EIF2AK4: variants seen among roughly 807,000 people sequenced by gnomAD.
EIF2AK4 encodes eIF-2-alpha kinase GCN2.
EIF2AK4 carries 139 observed loss-of-function variants against 211.1 expected under a neutral mutation model. The observed-to-expected ratio is 0.66, with a 90% CI of 0.57 to 0.76. The LOEUF (loss-of-function observed/expected upper bound fraction) is 0.76, where lower values mean the gene tolerates loss of function less well. Ranked by LOEUF, EIF2AK4 falls within the 30% of genes least tolerant of loss-of-function variation. The probability of loss-of-function intolerance (pLI) is 0.00; values close to 1 mark genes in which losing one functional copy is unlikely to be tolerated. For missense variants in EIF2AK4, 1,664 were observed against 2,043.8 expected, an observed-to-expected ratio of 0.81 and a Z score of 3.58; for synonymous variants, 710 against 751.3, an observed-to-expected ratio of 0.94 and a Z score of 0.90.
intron 23 of EIF2AK4, among the ~76,000 whole-genome samples, chr15:40,004,178 G>A (rs577619552): frequency 7.9e-5 from 12 of 152,284 alleles, no homozygotes; most frequent in African/African-American, 2.9e-4. Flanking sequence ...TAAACCTTTA[G>A]AAAAGTAATC....
Position 39,949,277 on chromosome 15 carries a change from C to G in EIF2AK4, c.513+9C>G. The G allele has an allele frequency of 6.2e-7, 1 of 1,613,220 alleles. No homozygotes were observed. Among genetic ancestry groups the G allele is most frequent in the Admixed American group, 1.7e-5 (1 of 59,978 alleles). On this transcript the variant is annotated intron_variant, in intron 4 of 38. Transcript: ENST00000263791. Reference sequence around the variant, plus strand: ...GGAAAGAAGAGCAGGAGGTGAGATGCCCTTGTCGATGTCTGTGTGCATGGC... The same window carrying G: ...GGAAAGAAGAGCAGGAGGTGAGATGGCCTTGTCGATGTCTGTGTGCATGGC...
intron 37 of EIF2AK4, among the ~76,000 whole-genome samples, chr15:40,033,037 CAAAAACAAAAAAA>C (rs2035564722): frequency 6.6e-6 from 1 of 152,004 alleles, no homozygotes; most frequent in African/African-American, 2.4e-5. Flanking sequence ...AAACAAAAAA[CAAAAACAAAAAAA>C]CACATATACT....
intron 36 of EIF2AK4, 33 bp downstream of exon 36, chr15:40,032,270 C>T (rs1315184829): frequency 1.9e-6 from 3 of 1,592,350 alleles, no homozygotes; most frequent in Non-Finnish European, 1.7e-6. Flanking sequence ...TTGAAGGTGG[C>T]TTCTGTCCAT....
Position 40,002,783 on chromosome 15 carries a change from G to T in EIF2AK4, c.3230G>T (p.Arg1077Ile). 5.6e-6 allele frequency: 9 copies of T among 1,614,140 alleles called. No homozygotes were observed. Among genetic ancestry groups the T allele is most frequent in the Non-Finnish European group, 7.6e-6 (9 of 1,180,000 alleles). The stretch of plus-strand genomic sequence containing the variant: ...GAAACCATCATCCGCATCTTTAAAA[G>T]ACATGGTATGTACGCCCTTTTTAAA... ...VCETIIRIFK[R>I]HGAVQLCTPL... The change falls in exon 22 of 39, where the codon AGA (arginine) becomes ATA (isoleucine). Residue 1077 changes from arginine (R) to isoleucine (I), a missense_variant. Transcript: ENST00000263791.
At chr15:39,970,838 A>T (rs1037087266) in intron 9 of EIF2AK4, among the ~76,000 whole-genome samples, 1 of 152,226 alleles carries the variant, frequency 6.6e-6, no homozygotes, top group Non-Finnish European at 1.5e-5. Context: ...AAGTAATTTT[A>T]AATTTAAAGG....
chr15:40,001,482 T>G (rs923052333), intron 21 of EIF2AK4, among the ~76,000 whole-genome samples: 1 of 151,666 alleles, frequency 6.6e-6, no homozygotes, highest in Non-Finnish European at 1.5e-5. Flanking sequence ...CTACAAAAAT[T>G]AGCCGTGCGT....
intron 9 of EIF2AK4, among the ~76,000 whole-genome samples, chr15:39,968,387 T>C (rs2034574507): frequency 6.6e-6 from 1 of 152,208 alleles, no homozygotes; most frequent in Non-Finnish European, 1.5e-5. Flanking sequence ...CACAGGTGCA[T>C]GTTTAATTAC....
At position 39,953,993 on chromosome 15, in the gene EIF2AK4, T is replaced by A. The variant is rs1566984150; in HGVS notation, c.594+9T>A. ...AAGAAATGGCTAAGCAGGTACCCTA[T>A]CAACTCCACCATAATAATTTACATT... On this transcript the variant is annotated intron_variant, in intron 5 of 38. Coordinates refer to ENST00000263791, the MANE Select transcript of EIF2AK4 (RefSeq NM_001013703.4). 7 of 1,567,086 alleles carry A rather than the reference T, an allele frequency of 4.5e-6. No individual in the cohort carries two copies. In the South Asian group the frequency reaches 8.1e-5, roughly 18 times the overall value.
intron 2 of EIF2AK4, 38 bp from the exon 3 acceptor site, chr15:39,943,345 G>A: frequency 7.9e-7 from 1 of 1,269,980 alleles, no homozygotes. Context: ...ACTTTCTGGA[G>A]TAACTCTTTT....
At chr15:39,987,432 T>C (rs540587247) in intron 14 of EIF2AK4, among the ~76,000 whole-genome samples, 63 of 152,332 alleles carry the variant, frequency 4.1e-4, no homozygotes, top group African/African-American at 1.5e-3. Flanking sequence ...AAATGGTGCA[T>C]GTTGATTTAA....
chr15:40,017,031 A>G, intron 28 of EIF2AK4, 77 bp from the exon 29 acceptor site: 1 of 1,557,694 alleles, frequency 6.4e-7, no homozygotes, highest in Non-Finnish European at 8.8e-7. Flanking sequence ...ATTGATGGGA[A>G]ACACCATTTT....
chr15:40,032,045 C>T, intron 35 of EIF2AK4, 124 bp from the exon 36 acceptor site: 1 of 865,042 alleles, frequency 1.2e-6, no homozygotes, highest in East Asian at 2.4e-5. Context: ...CCTTTAGACA[C>T]CATTTGGAAT....
intron 21 of EIF2AK4, among the ~76,000 whole-genome samples, chr15:40,002,180 G>A (rs1378470740): frequency 1.3e-5 from 2 of 152,114 alleles, no homozygotes; most frequent in African/African-American, 2.4e-5. Context: ...ATATTTGCAG[G>A]ATTATAGGTG....
At chr15:39,966,511 A>AG (rs895705232) in intron 8 of EIF2AK4, among the ~76,000 whole-genome samples, 7 of 151,510 alleles carry the variant, frequency 4.6e-5, no homozygotes, top group Admixed American at 3.9e-4. Context: ...CAAAAAAAAA[A>AG]AAAGAAAAGA....
In EIF2AK4 at chr15:40,017,079, A is replaced by G. The variant is rs544720509; in HGVS notation, c.3931-29A>G. ...CCACATTCTAAATTTCAAACCCTTG[A>G]CACATTTGTGTGGCATCTCTCTTTA... On this transcript the variant is annotated intron_variant, in intron 28 of 38. Transcript: ENST00000263791. 21 of 1,598,562 alleles carry G rather than the reference A, an allele frequency of 1.3e-5. No homozygotes were observed. The South Asian group carries it at 2.1e-4, about 16-fold the overall frequency.
intron 14 of EIF2AK4, among the ~76,000 whole-genome samples, chr15:39,987,079 G>A (rs149800450): frequency 5.6e-4 from 85 of 152,262 alleles, no homozygotes; most frequent in African/African-American, 2.0e-3. Flanking sequence ...CTGGTTTTAG[G>A]TATTCCGTAA....
intron 33 of EIF2AK4, among the ~76,000 whole-genome samples, chr15:40,026,673 AATCT>A (rs1199305377): frequency 1.3e-5 from 2 of 152,304 alleles, no homozygotes; most frequent in Admixed American, 6.5e-5. Flanking sequence ...CAGGAGCCAA[AATCT>A]ATCTGTCATT....
At chr15:39,968,661 T>G (rs2034577694) in intron 9 of EIF2AK4, among the ~76,000 whole-genome samples, 1 of 152,126 alleles carries the variant, frequency 6.6e-6, no homozygotes, top group Admixed American at 6.5e-5. Context: ...ACTCTTTGTT[T>G]TTTACCTTCT....
At chr15:40,034,009 C>T (rs1213435719) in intron 37 of EIF2AK4, among the ~76,000 whole-genome samples, 1 of 131,992 alleles carries the variant, frequency 7.6e-6, no homozygotes, top group African/African-American at 2.9e-5. Flanking sequence ...GCCTGGGCAA[C>T]AAGACCGAAA....
Sources: allele counts gnomAD v4.1 joint callset (sites outside exome capture counted in the v4.1 genomes callset), GRCh38; gene constraint gnomAD v4.1.1; transcripts MANE v1.5; gene names NCBI Gene and HGNC (gene_info 2026-07-23, HGNC 2026-07-21).